The following THRB variants were observed in gnomAD, a reference collection of about 807,000 sequenced individuals.
THRB encodes the protein thyroid hormone receptor beta, also known as nuclear receptor subfamily 1 group A member 2.
A neutral mutation model predicts 47.8 loss-of-function variants in THRB; 12 were observed. The observed-to-expected ratio is 0.25, with a 90% CI of 0.16 to 0.41. The LOEUF is 0.41. Ranked by LOEUF, THRB falls within the 10% of genes least tolerant of loss-of-function variation. The pLI, the probability that THRB is intolerant of heterozygous loss-of-function variation, is 1.00. For missense variants in THRB, 348 were observed against 589.2 expected (o/e 0.59, Z 4.24); for synonymous variants, 218 against 212.2 (o/e 1.03, Z -0.24).
rs528037722 is a variant in THRB at position 24,312,539 on chromosome 3, G to A, written c.-188-15168C>T. 8.5e-5 allele frequency among the ~76,000 whole-genome samples: 13 copies of A among 152,228 alleles called. No individual in the cohort carries two copies. In the East Asian group the frequency reaches 2.5e-3, roughly 29 times the overall value. ...ATCAAACCATGCTTCCTACGTATAC[G>A]CCCACATTTGTGTGGCAGAATCATT... On this transcript the variant is annotated intron_variant, in intron 2 of 10. Transcript: ENST00000646209.
At chr3:24,139,276 G>C (rs2035109797) in intron 8 of THRB, among the ~76,000 whole-genome samples, 1 of 152,064 alleles carries the variant, frequency 6.6e-6, no homozygotes, top group South Asian at 2.1e-4. Context: ...TTTTGCAAAA[G>C]TTCCTCATTT....
chr3:24,316,323 T>C (rs2058109862), intron 2 of THRB, among the ~76,000 whole-genome samples: 1 of 152,194 alleles, frequency 6.6e-6, no homozygotes, highest in South Asian at 2.1e-4. Flanking sequence ...TCATAATATA[T>C]TTTTTAAATA....
chr3:24,413,615 C>A (rs899449897), intron 1 of THRB, among the ~76,000 whole-genome samples: 1 of 151,348 alleles, frequency 6.6e-6, no homozygotes, highest in East Asian at 2.0e-4. Context: ...GTGTACACAA[C>A]GTGCAGGTTT....
At chr3:24,247,145 G>T (rs1369942526) in intron 3 of THRB, among the ~76,000 whole-genome samples, 5 of 152,164 alleles carry the variant, frequency 3.3e-5, no homozygotes, top group Non-Finnish European at 7.4e-5. Context: ...GTTTCTATTT[G>T]TTGTGTTCAA....
chr3:24,134,269 G>C (rs915846134), intron 8 of THRB, among the ~76,000 whole-genome samples: 1 of 152,008 alleles, frequency 6.6e-6, no homozygotes, highest in Non-Finnish European at 1.5e-5. Flanking sequence ...GCTTCCCAAC[G>C]TCCACAGTAG....
intron 1 of THRB, among the ~76,000 whole-genome samples, chr3:24,493,521 AC>A (rs751309732): frequency 3.3e-5 from 5 of 152,280 alleles, no homozygotes; most frequent in Middle Eastern, 3.4e-3. Flanking sequence ...ACTGAATCTC[AC>A]TAGTACCCAA....
At chr3:24,134,636 C>A in intron 8 of THRB, among the ~76,000 whole-genome samples, 1 of 152,166 alleles carries the variant, frequency 6.6e-6, no homozygotes, top group Admixed American at 6.5e-5. Flanking sequence ...GGCTTTTACT[C>A]CCTGTGGACC....
chr3:24,384,362 AG>A (rs1372713838), intron 1 of THRB, among the ~76,000 whole-genome samples: 1 of 152,174 alleles, frequency 6.6e-6, no homozygotes, highest in Non-Finnish European at 1.5e-5. Context: ...TCTTATGTGT[AG>A]GATACTGTTA....
chr3:24,453,862 C>G (rs924019699), intron 1 of THRB, among the ~76,000 whole-genome samples: 1 of 152,118 alleles, frequency 6.6e-6, no homozygotes, highest in Admixed American at 6.5e-5. Context: ...TTTGCACATG[C>G]TGCTCCCTCT....
chr3:24,483,390 T>G (rs974687679), intron 1 of THRB, among the ~76,000 whole-genome samples: 2 of 152,114 alleles, frequency 1.3e-5, no homozygotes, highest in African/African-American at 4.8e-5. Flanking sequence ...AATCTAAAAC[T>G]GTTATAAAAT....
intron 1 of THRB, among the ~76,000 whole-genome samples, chr3:24,402,525 A>G (rs901040222): frequency 6.8e-5 from 10 of 147,852 alleles, no homozygotes; most frequent in Admixed American, 4.0e-4. Flanking sequence ...TGGTAACAAC[A>G]TATTTCCTCA....
intron 2 of THRB, among the ~76,000 whole-genome samples, chr3:24,306,419 A>G (rs1284967216): frequency 6.6e-6 from 1 of 152,240 alleles, no homozygotes; most frequent in Non-Finnish European, 1.5e-5. Context: ...GATGCAGTGC[A>G]CAGGCCAAGA....
intron 1 of THRB, among the ~76,000 whole-genome samples, chr3:24,464,152 A>C (rs1257533629): frequency 6.6e-6 from 1 of 152,010 alleles, no homozygotes; most frequent in African/African-American, 2.4e-5. Context: ...AGGCTGAGGC[A>C]GGAGAATGGC....
At chr3:24,398,948 T>A (rs62255408) in intron 1 of THRB, among the ~76,000 whole-genome samples, 2 of 152,014 alleles carry the variant, frequency 1.3e-5, no homozygotes, top group African/African-American at 4.8e-5. Flanking sequence ...TGAAGCTGGA[T>A]ACCATCATTC....
chr3:24,486,386 G>A (rs966554485), intron 1 of THRB: 2 of 152,152 alleles, frequency 1.3e-5, no homozygotes, highest in Non-Finnish European at 2.9e-5. Flanking sequence ...CTACCATGGT[G>A]TCTTGGCACT....
At chr3:24,445,356 T>C (rs1368510531) in intron 1 of THRB, among the ~76,000 whole-genome samples, 1 of 152,048 alleles carries the variant, frequency 6.6e-6, no homozygotes, top group Admixed American at 6.6e-5. Flanking sequence ...AACATAAAGG[T>C]AGTGAAATGT....
chr3:24,329,932 T>C (rs1480368501), intron 2 of THRB, among the ~76,000 whole-genome samples: 2 of 152,228 alleles, frequency 1.3e-5, no homozygotes, highest in Non-Finnish European at 1.5e-5. Flanking sequence ...AAGACACTGT[T>C]TTAACAAACC....
At chr3:24,466,813 C>T (rs1233666534) in intron 1 of THRB, among the ~76,000 whole-genome samples, 7 of 152,094 alleles carry the variant, frequency 4.6e-5, no homozygotes, top group Non-Finnish European at 8.8e-5. Flanking sequence ...AATCTTTTTG[C>T]AGGTGAAGCG....
At chr3:24,198,466 C>CTT (rs869282949) in intron 4 of THRB, among the ~76,000 whole-genome samples, 28 of 61,448 alleles carry the variant, frequency 4.6e-4, no homozygotes, top group African/African-American at 1.5e-3. Flanking sequence ...CCCCCCCCCC[C>CTT]TTTTTTTTTT....
Sources: gnomAD v4.1 joint callset for allele counts (sites outside exome capture counted in the v4.1 genomes callset) on GRCh38, gnomAD v4.1.1 for gene constraint, MANE v1.5 for transcripts, NCBI Gene and HGNC (gene_info 2026-07-23, HGNC 2026-07-21) for gene names.